Variants in CHMP4C observed in about 807,000 individuals in gnomAD.
The protein encoded by CHMP4C is charged multivesicular body protein 4C.
In CHMP4C, 28 loss-of-function variants were observed where a neutral mutation model predicts 29.0. That is an observed-to-expected ratio of 0.97 (90% CI 0.72 to 1.32). The LOEUF (loss-of-function observed/expected upper bound fraction) is 1.32. Among genes scored for constraint, CHMP4C ranks in the 40% most tolerant of loss-of-function variants. The pLI, the probability that CHMP4C is intolerant of heterozygous loss-of-function variation, is 0.00. For synonymous variants in CHMP4C, 106 were observed against 102.4 expected (o/e 1.04, Z -0.21); for missense variants, 291 against 281.0 (o/e 1.04, Z -0.25).
chr8:81,752,868 T>C (rs1808921893), intron 1 of CHMP4C, among the ~76,000 whole-genome samples, 196 bp from the exon 2 acceptor site: 1 of 152,178 alleles, frequency 6.6e-6, no homozygotes, highest in South Asian at 2.1e-4. Context: ...AAAAGAATAA[T>C]AAAATGTTGG....
In CHMP4C at chr8:81,759,200, A is replaced by C. The variant is rs1809012671; in HGVS notation, c.*656A>C. On this transcript the variant is annotated 3_prime_UTR_variant, in exon 5 of 5. Coordinates refer to ENST00000297265, the MANE Select transcript of CHMP4C (RefSeq NM_152284.4). ...TTTCACTTGAGTTTTGCAGTTTGAAATCTTAAAGGAGCTTTAATTGACATT... is the reference window on the plus strand; with the variant it reads ...TTTCACTTGAGTTTTGCAGTTTGAACTCTTAAAGGAGCTTTAATTGACATT... 6.6e-6 allele frequency: 1 copy of C among 152,602 alleles called. No individual in the cohort carries two copies. Among genetic ancestry groups the C allele is most frequent in the African/African-American group, 2.4e-5 (1 of 41,444 alleles). 9.5% of individuals were successfully genotyped at this position (152,602 alleles called of 1,614,324 possible).
Position 81,759,379 on chromosome 8 carries a change from T to TA in CHMP4C, c.*836dup, listed in dbSNP as rs1187166541. The TA allele has an allele frequency of 6.6e-6, 1 of 152,370 alleles. No homozygotes were observed. Among genetic ancestry groups the TA allele is most frequent in the Non-Finnish European group, 1.5e-5 (1 of 68,034 alleles). The allele number at this position is 152,370 out of a possible 1,614,324, so 9.4% of individuals were successfully genotyped here. ...CACTCCCAGGCCATTATGATGCTGT[T>TA]ACAGCTTCAGTGTATAAATGCATGA... is the stretch of plus-strand genomic sequence containing the variant. On this transcript the variant is annotated 3_prime_UTR_variant, in exon 5 of 5. Transcript: ENST00000297265.
chr8:81,752,792 T>G (rs1465213781), intron 1 of CHMP4C, among the ~76,000 whole-genome samples: 1 of 152,184 alleles, frequency 6.6e-6, no homozygotes. Flanking sequence ...AAACATTTCT[T>G]TGGCATATGT....
At chr8:81,737,264 G>A (rs771253945) in intron 1 of CHMP4C, among the ~76,000 whole-genome samples, 2 of 152,188 alleles carry the variant, frequency 1.3e-5, no homozygotes, top group Non-Finnish European at 2.9e-5. Flanking sequence ...ATAATTGACT[G>A]GAGTGGGGAT....
At chr8:81,742,341 G>A (rs1029223874) in intron 1 of CHMP4C, among the ~76,000 whole-genome samples, 7 of 152,140 alleles carry the variant, frequency 4.6e-5, no homozygotes, top group Non-Finnish European at 1.0e-4. Context: ...TACAGGCAAG[G>A]AAAATAGGTC....
intron 2 of CHMP4C, among the ~76,000 whole-genome samples, chr8:81,753,839 T>C (rs1308841660): frequency 6.6e-6 from 1 of 152,142 alleles, no homozygotes; most frequent in Non-Finnish European, 1.5e-5. Flanking sequence ...GAGATTATAA[T>C]AGTACTTACT....
At chr8:81,741,555 G>A (rs1390018548) in intron 1 of CHMP4C, among the ~76,000 whole-genome samples, 1 of 151,786 alleles carries the variant, frequency 6.6e-6, no homozygotes, top group African/African-American at 2.4e-5. Flanking sequence ...AATAAGACAA[G>A]GGATCTAATA....
chr8:81,740,957 A>G (rs1808756071), intron 1 of CHMP4C, among the ~76,000 whole-genome samples: 2 of 152,182 alleles, frequency 1.3e-5, no homozygotes, highest in South Asian at 4.1e-4. Flanking sequence ...ACCAAAAGAA[A>G]AGAAGCCTAT....
chr8:81,746,564 AAAG>A (rs776007897), intron 1 of CHMP4C, among the ~76,000 whole-genome samples: 7 of 152,328 alleles, frequency 4.6e-5, no homozygotes, highest in South Asian at 2.1e-4. Context: ...GAGAAAAAAC[AAAG>A]AAGGACTTTT....
intron 1 of CHMP4C, among the ~76,000 whole-genome samples, chr8:81,751,132 T>C (rs1808897992): frequency 6.6e-6 from 1 of 152,156 alleles, no homozygotes; most frequent in African/African-American, 2.4e-5. Context: ...TATTCAGACT[T>C]ATAGGCATTC....
chr8:81,757,922 G>A lies in CHMP4C; in HGVS notation c.484-220G>A, dbSNP rs191291034. ...CAAATTACTTGAATGGCTGTTTACT[G>A]AAGTATTAGAAGATTAACTACAACA... is the stretch of plus-strand genomic sequence containing the variant. On this transcript the variant is annotated intron_variant, in intron 3 of 4. Transcript: ENST00000297265. Among the ~76,000 whole-genome samples the A allele has an allele frequency of 6.2e-3, 950 of 152,320 alleles. 4 individuals carry two copies. Among genetic ancestry groups the A allele is most frequent in the Non-Finnish European group, 9.7e-3 (660 of 68,026 alleles).
intron 4 of CHMP4C, 71 bp from the exon 5 acceptor site, chr8:81,758,409 T>C (rs1808998898): frequency 6.5e-7 from 1 of 1,540,710 alleles, no homozygotes; most frequent in Admixed American, 1.7e-5. Context: ...TTATATGTAA[T>C]TCATACCTGT....
At chr8:81,750,683 A>G (rs952113866) in intron 1 of CHMP4C, among the ~76,000 whole-genome samples, 1 of 152,166 alleles carries the variant, frequency 6.6e-6, no homozygotes. Context: ...GAGAGAAAAC[A>G]GAATGTTTTC....
intron 1 of CHMP4C, among the ~76,000 whole-genome samples, chr8:81,745,724 C>T (rs1341622791): frequency 1.3e-5 from 2 of 152,174 alleles, no homozygotes; most frequent in African/African-American, 4.8e-5. Context: ...TGTTCGGCAA[C>T]TCCAGTGCTG....
intron 1 of CHMP4C, among the ~76,000 whole-genome samples, chr8:81,739,621 G>T (rs555508608): frequency 1.3e-5 from 2 of 152,314 alleles, no homozygotes; most frequent in African/African-American, 4.8e-5. Flanking sequence ...AGGAAAACCT[G>T]AGACATGGGC....
At chr8:81,747,851 T>C (rs1359939673) in intron 1 of CHMP4C, among the ~76,000 whole-genome samples, 1 of 152,140 alleles carries the variant, frequency 6.6e-6, no homozygotes, top group Non-Finnish European at 1.5e-5. Flanking sequence ...AAATTGCTAA[T>C]GAAGTTTCGG....
chr8:81,736,642 G>A (rs1010455018), intron 1 of CHMP4C, among the ~76,000 whole-genome samples: 16 of 152,114 alleles, frequency 1.1e-4, no homozygotes, highest in African/African-American at 3.4e-4. Context: ...AGTTTAGGTG[G>A]GTTTCTGATG....
intron 1 of CHMP4C, among the ~76,000 whole-genome samples, chr8:81,752,021 G>A (rs923919007): frequency 6.6e-6 from 1 of 152,036 alleles, no homozygotes; most frequent in African/African-American, 2.4e-5. Context: ...AATCCACCAA[G>A]AAAGTATAAT....
intron 1 of CHMP4C, among the ~76,000 whole-genome samples, chr8:81,748,020 A>G (rs1224279120): frequency 1.3e-5 from 2 of 152,084 alleles, no homozygotes; most frequent in Non-Finnish European, 2.9e-5. Flanking sequence ...ACCATAAAAG[A>G]CAGGTACGCC....
Sources: allele counts gnomAD v4.1 joint callset (sites outside exome capture counted in the v4.1 genomes callset), GRCh38; gene constraint gnomAD v4.1.1; transcripts MANE v1.5; gene names NCBI Gene and HGNC (gene_info 2026-07-23, HGNC 2026-07-21).